The following NTRK3 variants were observed in gnomAD, a reference collection of about 807,000 sequenced individuals.
NTRK3 encodes the protein NT-3 growth factor receptor.
In NTRK3, 24 loss-of-function variants were observed where a neutral mutation model predicts 91.7. That is an observed-to-expected ratio of 0.26 (90% CI 0.19 to 0.37). The LOEUF (loss-of-function observed/expected upper bound fraction) is 0.37, where lower values mean the gene tolerates loss of function less well. Ranked by LOEUF, NTRK3 falls within the 10% of genes least tolerant of loss-of-function variation. NTRK3 has a pLI of 1.00. For synonymous variants in NTRK3, 483 were observed against 404.0 expected (o/e 1.20, Z -2.34); for missense variants, 880 against 1,068.9 (o/e 0.82, Z 2.46).
At chr15:88,020,123 A>T (rs187130350) in intron 14 of NTRK3, among the ~76,000 whole-genome samples, 209 of 152,352 alleles carry the variant, frequency 1.4e-3, no homozygotes, top group Non-Finnish European at 2.2e-4. Flanking sequence ...CGTAAAGCAC[A>T]TGGGCAGGCA....
intron 5 of NTRK3, among the ~76,000 whole-genome samples, chr15:88,151,340 C>T (rs971104290): frequency 5.3e-5 from 8 of 152,180 alleles, no homozygotes; most frequent in African/African-American, 1.2e-4. Flanking sequence ...CTGGGTGCTC[C>T]GGGAACAAGG....
At chr15:88,148,661 G>A (rs967976046) in intron 5 of NTRK3, among the ~76,000 whole-genome samples, 4 of 152,204 alleles carry the variant, frequency 2.6e-5, no homozygotes, top group Non-Finnish European at 5.9e-5. Flanking sequence ...TGGCCATGGG[G>A]AGGAGTTTGG....
At chr15:88,057,458 A>G (rs1233787243) in intron 13 of NTRK3, among the ~76,000 whole-genome samples, 1 of 151,826 alleles carries the variant, frequency 6.6e-6, no homozygotes. Flanking sequence ...AGATTGTGCC[A>G]CTGCACTCCA....
intron 15 of NTRK3, among the ~76,000 whole-genome samples, chr15:87,934,214 C>A (rs2141967743): frequency 6.6e-6 from 1 of 152,254 alleles, no homozygotes; most frequent in East Asian, 1.9e-4. Context: ...CAGGTGGGCG[C>A]CCCGATTTCT....
At chr15:87,877,374 T>A (rs1387134390) in intron 18 of NTRK3, among the ~76,000 whole-genome samples, 2 of 152,154 alleles carry the variant, frequency 1.3e-5, no homozygotes, top group African/African-American at 4.8e-5. Flanking sequence ...AGGCCCACAT[T>A]GACCATTGAC....
intron 9 of NTRK3, 86 bp downstream of exon 9, chr15:88,135,813 C>G (rs1437475729): frequency 5.8e-6 from 9 of 1,549,998 alleles, no homozygotes; most frequent in Non-Finnish European, 6.1e-6. Flanking sequence ...CTCTAGCTCA[C>G]CCCTGACAAC....
chr15:88,103,507 C>T (rs775686949), intron 13 of NTRK3, among the ~76,000 whole-genome samples: 43 of 152,118 alleles, frequency 2.8e-4, no homozygotes, highest in Non-Finnish European at 5.4e-4. Context: ...TTCTGATTCA[C>T]CAGAGTGGCG....
intron 14 of NTRK3, among the ~76,000 whole-genome samples, chr15:87,973,749 C>G (rs1402344414): frequency 1.3e-5 from 2 of 152,104 alleles, no homozygotes; most frequent in Non-Finnish European, 1.5e-5. Flanking sequence ...CCACCTTCCT[C>G]CCGTCTCTGC....
At chr15:88,028,656 A>G (rs1334246038) in intron 14 of NTRK3, among the ~76,000 whole-genome samples, 1 of 152,114 alleles carries the variant, frequency 6.6e-6, no homozygotes, top group East Asian at 1.9e-4. Flanking sequence ...CTCTGGGAAG[A>G]TGGAGACGCT....
At chr15:87,865,168 T>G (rs1596029649) in exon 19 of NTRK3, 2 of 208,924 alleles carry the variant, frequency 9.6e-6, no homozygotes, top group African/African-American at 4.5e-5. Context: ...GATTTCTTTC[T>G]GGAGTGATCA....
chr15:88,047,977 G>A (rs2080400510), intron 13 of NTRK3, among the ~76,000 whole-genome samples: 1 of 152,178 alleles, frequency 6.6e-6, no homozygotes, highest in Admixed American at 6.5e-5. Context: ...TAGCCAACAT[G>A]TCTCCATCCT....
intron 5 of NTRK3, among the ~76,000 whole-genome samples, chr15:88,169,098 A>G (rs2045269194): frequency 6.6e-6 from 1 of 152,160 alleles, no homozygotes; most frequent in Admixed American, 6.5e-5. Context: ...TTGAGCGGAG[A>G]GCCCTGGAGG....
chr15:88,208,677 G>T (rs2048993671), intron 3 of NTRK3, among the ~76,000 whole-genome samples: 1 of 152,186 alleles, frequency 6.6e-6, no homozygotes, highest in Non-Finnish European at 1.5e-5. Context: ...TAAACTGCAG[G>T]AAGAGCTGGG....
intron 13 of NTRK3, among the ~76,000 whole-genome samples, chr15:88,109,226 G>A (rs1466251337): frequency 6.6e-6 from 1 of 152,194 alleles, no homozygotes; most frequent in Admixed American, 6.5e-5. Flanking sequence ...ATTAAATACT[G>A]CAGTGGACAG....
At chr15:88,145,600 T>C (rs6496464) in intron 6 of NTRK3, among the ~76,000 whole-genome samples, 2 of 151,896 alleles carry the variant, frequency 1.3e-5, no homozygotes, top group Admixed American at 6.6e-5. Context: ...AAACTCCACG[T>C]AACAGGTCAC....
At chr15:87,876,220 G>T (rs2064944019) in exon 19 of NTRK3, 1 of 233,214 alleles carries the variant, frequency 4.3e-6, no homozygotes, top group East Asian at 6.0e-5. Flanking sequence ...GTTTTGTGTT[G>T]TGGGGTTGTC....
intron 6 of NTRK3, among the ~76,000 whole-genome samples, chr15:88,139,997 A>G (rs1247054401): frequency 1.3e-5 from 2 of 152,184 alleles, no homozygotes; most frequent in Admixed American, 6.5e-5. Flanking sequence ...GTGAGGTGTG[A>G]AAACAGAAAA....
At chr15:87,889,473 C>T (rs1449838962) in intron 17 of NTRK3, among the ~76,000 whole-genome samples, 1 of 137,318 alleles carries the variant, frequency 7.3e-6, no homozygotes, top group African/African-American at 2.8e-5. Flanking sequence ...GGCAGGATCT[C>T]AGCTCACTGC....
chr15:88,185,237 T>C (rs570669603), intron 3 of NTRK3, among the ~76,000 whole-genome samples: 2 of 152,360 alleles, frequency 1.3e-5, no homozygotes, highest in East Asian at 3.9e-4. Flanking sequence ...ATCAGCAATA[T>C]AAATCACTAT....
Sources: gnomAD v4.1 joint callset for allele counts (sites outside exome capture counted in the v4.1 genomes callset) on GRCh38, gnomAD v4.1.1 for gene constraint, MANE v1.5 for transcripts, NCBI Gene and HGNC (gene_info 2026-07-23, HGNC 2026-07-21) for gene names.